PCSK5: variants seen among roughly 807,000 people sequenced by gnomAD.
PCSK5 encodes proprotein convertase subtilisin/kexin type 5.
A neutral mutation model predicts 233.2 loss-of-function variants in PCSK5; 129 were observed. The observed-to-expected ratio is 0.55, with a 90% CI of 0.48 to 0.64. The LOEUF is 0.64. Ranked by LOEUF, PCSK5 falls within the 30% of genes least tolerant of loss-of-function variation. The probability of loss-of-function intolerance (pLI) is 0.00; values close to 1 mark genes in which losing one functional copy is unlikely to be tolerated. For synonymous variants in PCSK5, 825 were observed against 879.2 expected, an observed-to-expected ratio of 0.94 and a Z score of 1.09; for missense variants, 2,076 against 2,430.1, an observed-to-expected ratio of 0.85 and a Z score of 3.06.
intron 14 of PCSK5, 47 bp from the exon 15 acceptor site, chr9:76,179,549 G>T: frequency 7.3e-7 from 1 of 1,372,768 alleles, no homozygotes. Flanking sequence ...AAGCTGACCT[G>T]CTCTAAAATC....
intron 2 of PCSK5, among the ~76,000 whole-genome samples, chr9:75,936,427 A>G (rs1226501343): frequency 6.6e-6 from 1 of 152,238 alleles, no homozygotes; most frequent in East Asian, 1.9e-4. Context: ...CAATCCTCTG[A>G]AACCCTGCCA....
chr9:76,326,110 CA>C (rs2131468897), intron 32 of PCSK5, among the ~76,000 whole-genome samples: 1 of 151,804 alleles, frequency 6.6e-6, no homozygotes, highest in East Asian at 1.9e-4. Context: ...CACGGTGGCT[CA>C]CATCTGTAAT....
intron 13 of PCSK5, among the ~76,000 whole-genome samples, chr9:76,172,903 C>G (rs1415945456): frequency 6.6e-6 from 1 of 152,120 alleles, no homozygotes; most frequent in Non-Finnish European, 1.5e-5. Context: ...ATACATAAAC[C>G]GATTGTACTG....
intron 2 of PCSK5, among the ~76,000 whole-genome samples, chr9:75,938,747 C>T (rs544570648): frequency 3.2e-4 from 49 of 152,202 alleles, no homozygotes; most frequent in Middle Eastern, 3.4e-3. Flanking sequence ...TTTTTACTCC[C>T]AGCTGACTTC....
At chr9:75,964,322 AT>A (rs1406476250) in intron 2 of PCSK5, among the ~76,000 whole-genome samples, 1 of 152,198 alleles carries the variant, frequency 6.6e-6, no homozygotes. Context: ...ATCTTATATT[AT>A]AATGTTTTTC....
chr9:75,967,072 C>CT (rs34882997), intron 2 of PCSK5, among the ~76,000 whole-genome samples: 116,814 of 151,798 alleles, frequency 0.77, 45,179 homozygotes, highest in Admixed American at 0.81. Flanking sequence ...ATTTCCACCC[C>CT]TTTTTTAAGT....
At chr9:76,060,890 C>T (rs1175796813) in intron 5 of PCSK5, among the ~76,000 whole-genome samples, 1 of 152,094 alleles carries the variant, frequency 6.6e-6, no homozygotes, top group Non-Finnish European at 1.5e-5. Context: ...TATAAATGGT[C>T]TTACTCTCTA....
At chr9:75,946,234 C>T (rs1176074239) in intron 2 of PCSK5, among the ~76,000 whole-genome samples, 1 of 152,124 alleles carries the variant, frequency 6.6e-6, no homozygotes, top group Non-Finnish European at 1.5e-5. Context: ...TGGTGATGTA[C>T]ACGGTACTGT....
intron 2 of PCSK5, among the ~76,000 whole-genome samples, chr9:75,977,830 T>C: frequency 6.6e-6 from 1 of 152,074 alleles, no homozygotes; most frequent in South Asian, 2.1e-4. Flanking sequence ...CAGGCTGGTC[T>C]CGAGCTCTGA....
chr9:76,058,675 G>A (rs1241853229), intron 5 of PCSK5, among the ~76,000 whole-genome samples: 4 of 151,932 alleles, frequency 2.6e-5, no homozygotes, highest in African/African-American at 9.7e-5. Flanking sequence ...AGCTACATGG[G>A]GAAAAAAATT....
At chr9:76,187,759 A>T (rs1430037659) in intron 17 of PCSK5, among the ~76,000 whole-genome samples, 7 of 152,188 alleles carry the variant, frequency 4.6e-5, no homozygotes, top group Non-Finnish European at 1.0e-4. Context: ...AGGGAGAGAA[A>T]AATATGCATT....
chr9:76,021,857 C>T (rs1015359081), intron 3 of PCSK5, among the ~76,000 whole-genome samples: 3 of 152,162 alleles, frequency 2.0e-5, no homozygotes, highest in Non-Finnish European at 2.9e-5. Flanking sequence ...AATGATTTGA[C>T]CATGCCTCCG....
chr9:76,241,308 A>G, intron 24 of PCSK5, among the ~76,000 whole-genome samples: 1 of 152,166 alleles, frequency 6.6e-6, no homozygotes, highest in East Asian at 1.9e-4. Flanking sequence ...TGGATGTGGT[A>G]GCAGGCACCT....
At chr9:76,308,574 C>A in intron 28 of PCSK5, 71 bp from the exon 29 acceptor site, 2 of 860,812 alleles carry the variant, frequency 2.3e-6, no homozygotes, top group East Asian at 2.5e-5. Flanking sequence ...CCCATGAGAT[C>A]TTTTTCAGTA....
intron 5 of PCSK5, among the ~76,000 whole-genome samples, chr9:76,050,234 T>C (rs1829574689): frequency 6.6e-6 from 1 of 152,210 alleles, no homozygotes; most frequent in East Asian, 1.9e-4. Flanking sequence ...TTTACCTATA[T>C]ACAGGAGTAT....
chr9:76,359,792 C>A lies in PCSK5; in HGVS notation c.*870C>A, dbSNP rs1320540666. 1 of 152,142 alleles carries A rather than the reference C, an allele frequency of 6.6e-6. No individual in the cohort carries two copies. The highest frequency in any genetic ancestry group is 2.4e-5 in the African/African-American group (1 of 41,426). 9.4% of individuals were successfully genotyped at this position (152,142 alleles called of 1,614,324 possible). A position where few individuals can be genotyped will look rare whatever the true frequency, so the allele number is the denominator to read the frequency against. Reference sequence around the variant, plus strand: ...AAATGGAATAAAATGACAAACACTTCATCCGCTCTAAAAAATTCAGAGCTT... The same window carrying A: ...AAATGGAATAAAATGACAAACACTTAATCCGCTCTAAAAAATTCAGAGCTT... On this transcript the variant is annotated 3_prime_UTR_variant, in exon 38 of 38. Transcript: ENST00000674117.
chr9:75,952,529 A>G (rs1170194437), intron 2 of PCSK5, among the ~76,000 whole-genome samples: 1 of 152,202 alleles, frequency 6.6e-6, no homozygotes, highest in Admixed American at 6.5e-5. Flanking sequence ...TGACAAATGT[A>G]TATAGTTGTG....
At chr9:75,899,050 G>A (rs979229677) in intron 1 of PCSK5, among the ~76,000 whole-genome samples, 3 of 152,172 alleles carry the variant, frequency 2.0e-5, no homozygotes, top group Non-Finnish European at 4.4e-5. Context: ...ATGGAAACAG[G>A]AGCCATGACA....
intron 21 of PCSK5, among the ~76,000 whole-genome samples, chr9:76,228,530 C>T (rs1289786350): frequency 6.6e-6 from 1 of 152,222 alleles, no homozygotes; most frequent in Non-Finnish European, 1.5e-5. Context: ...GTAATGTTTG[C>T]TAACTGAGTT....
Sources: allele counts gnomAD v4.1 joint callset (sites outside exome capture counted in the v4.1 genomes callset), GRCh38; gene constraint gnomAD v4.1.1; transcripts MANE v1.5; gene names NCBI Gene and HGNC (gene_info 2026-07-23, HGNC 2026-07-21).